The following CADPS variants were observed in gnomAD, a reference collection of about 807,000 sequenced individuals.
The protein encoded by CADPS is calcium-dependent secretion activator 1.
Under a neutral mutation model 167.3 loss-of-function variants are expected in CADPS, and 57 were observed. That is an observed-to-expected ratio of 0.34 (90% CI 0.28 to 0.42). The LOEUF (loss-of-function observed/expected upper bound fraction) is 0.42, where lower values mean the gene tolerates loss of function less well. CADPS is among the 20% of genes least tolerant of loss of function. CADPS has a pLI of 1.00. For missense variants in CADPS, 1,414 were observed against 1,738.1 expected (o/e 0.81, Z 3.32); for synonymous variants, 676 against 635.3 (o/e 1.06, Z -0.96).
At chr3:62,804,210 A>G (rs1032734733) in intron 1 of CADPS, among the ~76,000 whole-genome samples, 3 of 152,148 alleles carry the variant, frequency 2.0e-5, no homozygotes, top group Non-Finnish European at 4.4e-5. Flanking sequence ...AAGGACCACA[A>G]TAAATACTTG....
At chr3:62,471,593 T>G (rs1210573850) in intron 24 of CADPS, among the ~76,000 whole-genome samples, 1 of 152,112 alleles carries the variant, frequency 6.6e-6, no homozygotes, top group East Asian at 1.9e-4. Context: ...TGACCAGGTA[T>G]GTGGGAGCTT....
chr3:62,447,955 C>A (rs2150005809), intron 26 of CADPS, among the ~76,000 whole-genome samples: 1 of 152,194 alleles, frequency 6.6e-6, no homozygotes, highest in African/African-American at 2.4e-5. Context: ...AAAACACTTC[C>A]ACAAACAGTT....
At chr3:62,540,884 G>C (rs994661265) in intron 11 of CADPS, among the ~76,000 whole-genome samples, 9 of 152,140 alleles carry the variant, frequency 5.9e-5, no homozygotes, top group South Asian at 2.1e-4. Flanking sequence ...TAAAGAAAAA[G>C]AAAACTCCAA....
intron 3 of CADPS, among the ~76,000 whole-genome samples, chr3:62,674,759 G>A (rs886444461): frequency 2.6e-5 from 4 of 151,994 alleles, no homozygotes; most frequent in Non-Finnish European, 5.9e-5. Flanking sequence ...AGGTATCAGG[G>A]GTATCATCTA....
At chr3:62,639,032 T>TGCCCACCTTC (rs72453733) in intron 6 of CADPS, among the ~76,000 whole-genome samples, 23,007 of 152,004 alleles carry the variant, frequency 0.15, 1,949 homozygotes, top group Middle Eastern at 0.25. Context: ...CCTAGCAGTC[T>TGCCCACCTTC]GCCCACCTTC....
intron 13 of CADPS, among the ~76,000 whole-genome samples, chr3:62,526,935 T>C (rs138466703): frequency 1.3e-5 from 2 of 152,166 alleles, no homozygotes; most frequent in South Asian, 4.1e-4. Flanking sequence ...GTGGGCAGCC[T>C]AGTTTGACAA....
Position 62,850,189 on chromosome 3 carries a change from G to A in CADPS, c.441+24400C>T, listed in dbSNP as rs1039171281. ...CTCTTTTTTTATTAGTCTTGCTAGC[G>A]GTCTATCAATTTTGTTGATCCTTTC... On this transcript the variant is annotated intron_variant, in intron 1 of 29. Transcript: ENST00000383710. 6.6e-5 allele frequency among the ~76,000 whole-genome samples: 9 copies of A among 136,028 alleles called. No individual in the cohort carries two copies. In the South Asian group the frequency reaches 1.1e-3, roughly 16 times the overall value. The allele number at this position is 136,028 out of a possible 152,430, so 89.2% of individuals were successfully genotyped here.
At chr3:62,589,717 A>T (rs918331222) in intron 7 of CADPS, among the ~76,000 whole-genome samples, 1 of 152,166 alleles carries the variant, frequency 6.6e-6, no homozygotes, top group African/African-American at 2.4e-5. Context: ...GACTGGCTTG[A>T]TCGCTCTGGA....
intron 6 of CADPS, among the ~76,000 whole-genome samples, chr3:62,639,708 A>G (rs1253583352): frequency 6.6e-6 from 1 of 152,200 alleles, no homozygotes; most frequent in Non-Finnish European, 1.5e-5. Flanking sequence ...AACTCCGCCA[A>G]TAGCTTCTCC....
chr3:62,592,712 T>G lies in CADPS; in HGVS notation c.1362A>C (p.Ala454=). The change falls in exon 7 of 30, where the codon GCA becomes GCC. Residue 454 remains alanine, a synonymous_variant. Transcript: ENST00000383710. ...GTQGDFSTTH[A]LPAVKVKLFT... ...ACAGCTTCACCTTCACAGCTGGCAG[T>G]GCATGGGTTGTGGAGAAGTCACCCT... is the stretch of plus-strand genomic sequence containing the variant. 1.2e-6 allele frequency: 2 copies of G among 1,614,172 alleles called. No homozygotes were observed. Among genetic ancestry groups the G allele is most frequent in the Non-Finnish European group, 1.7e-6 (2 of 1,180,006 alleles).
intron 3 of CADPS, among the ~76,000 whole-genome samples, chr3:62,708,875 G>C (rs1041157101): frequency 3.9e-5 from 6 of 151,942 alleles, no homozygotes; most frequent in Non-Finnish European, 8.8e-5. Flanking sequence ...GAAGCCTTGG[G>C]ACTGGAAGTC....
chr3:62,762,722 T>C (rs527923882), intron 2 of CADPS, among the ~76,000 whole-genome samples: 1 of 151,780 alleles, frequency 6.6e-6, no homozygotes, highest in Non-Finnish European at 1.5e-5. Context: ...CACTATGCTA[T>C]TTTATATCAG....
At chr3:62,640,491 TG>T (rs1365654586) in intron 6 of CADPS, among the ~76,000 whole-genome samples, 2 of 152,196 alleles carry the variant, frequency 1.3e-5, no homozygotes, top group Non-Finnish European at 2.9e-5. Context: ...TGTTGTATTT[TG>T]GTTTTGTCTT....
chr3:62,515,035 G>A (rs1269263383), intron 16 of CADPS, among the ~76,000 whole-genome samples: 4 of 152,090 alleles, frequency 2.6e-5, no homozygotes, highest in East Asian at 3.9e-4. Context: ...GGGAGGACAC[G>A]TAATGTACAG....
intron 5 of CADPS, among the ~76,000 whole-genome samples, chr3:62,646,620 A>T (rs1016124056): frequency 1.3e-5 from 2 of 152,230 alleles, no homozygotes; most frequent in African/African-American, 4.8e-5. Context: ...CATTAGATTC[A>T]GAGATGCAAC....
chr3:62,691,286 AATGTAAACCAAGAGC>A, intron 3 of CADPS, among the ~76,000 whole-genome samples: 1 of 151,970 alleles, frequency 6.6e-6, no homozygotes, highest in Non-Finnish European at 1.5e-5. Context: ...ACAGAACCCT[AATGTAAACCAAGAGC>A]GAACCCTAAT....
At chr3:62,632,970 A>AGTGTAAAGTCACCT (rs2065580032) in intron 6 of CADPS, among the ~76,000 whole-genome samples, 1 of 152,120 alleles carries the variant, frequency 6.6e-6, no homozygotes, top group African/African-American at 2.4e-5. Context: ...TGGTTGTGAG[A>AGTGTAAAGTCACCT]GATGCCAGGT....
intron 1 of CADPS, chr3:62,779,675 G>T: frequency 3.9e-6 from 2 of 513,494 alleles, no homozygotes; most frequent in East Asian, 5.5e-5. Flanking sequence ...AAGGTCCACC[G>T]ACCAAAGCCC....
intron 11 of CADPS, among the ~76,000 whole-genome samples, chr3:62,545,905 T>C (rs1214226679): frequency 6.6e-6 from 1 of 152,188 alleles, no homozygotes; most frequent in African/African-American, 2.4e-5. Context: ...TTTTTCCATT[T>C]CTACGTAGCT....
Sources: allele counts gnomAD v4.1 joint callset (sites outside exome capture counted in the v4.1 genomes callset), GRCh38; gene constraint gnomAD v4.1.1; transcripts MANE v1.5; gene names NCBI Gene and HGNC (gene_info 2026-07-23, HGNC 2026-07-21).